Variants in R3HDM1 observed in about 807,000 individuals in gnomAD.
R3HDM1 encodes R3H domain containing 1.
In R3HDM1, 46 loss-of-function variants were observed where a neutral mutation model predicts 141.1. That is an observed-to-expected ratio of 0.33 (90% CI 0.26 to 0.42). The LOEUF is 0.42. Among genes scored for constraint, R3HDM1 ranks in the 10% least tolerant of loss-of-function variants. The pLI is 1.00. For synonymous variants in R3HDM1, 435 were observed against 472.9 expected (o/e 0.92, Z 1.04); for missense variants, 1,184 against 1,368.3 (o/e 0.87, Z 2.12).
chr2:135,558,235 G>A (rs1444715710), intron 1 of R3HDM1, among the ~76,000 whole-genome samples: 1 of 152,172 alleles, frequency 6.6e-6, no homozygotes, highest in African/African-American at 2.4e-5. Flanking sequence ...GTGGCCACTA[G>A]CCATATATGC....
At chr2:135,603,068 G>A (rs1010384618) in intron 2 of R3HDM1, among the ~76,000 whole-genome samples, 16 of 151,990 alleles carry the variant, frequency 1.1e-4, no homozygotes, top group Admixed American at 5.9e-4. Flanking sequence ...TGCAACCTCC[G>A]CCTCCCAGGT....
chr2:135,642,725 T>C (rs2063932698), intron 15 of R3HDM1, among the ~76,000 whole-genome samples: 1 of 152,198 alleles, frequency 6.6e-6, no homozygotes, highest in Non-Finnish European at 1.5e-5. Context: ...ATAAGGTCTC[T>C]AAGTGTTCCT....
chr2:135,681,074 T>C (rs1307054672), intron 21 of R3HDM1, among the ~76,000 whole-genome samples: 1 of 152,200 alleles, frequency 6.6e-6, no homozygotes, highest in African/African-American at 2.4e-5. Flanking sequence ...TGATAGTAGT[T>C]CTACATTAAA....
At chr2:135,616,533 T>C (rs2061035507) in intron 4 of R3HDM1, 135 bp from the exon 5 acceptor site, 3 of 705,946 alleles carry the variant, frequency 4.2e-6, no homozygotes, top group East Asian at 5.5e-5. Flanking sequence ...TTTAATGATA[T>C]ATTTAACTTG....
chr2:135,663,148 AAAAAAAAT>A (rs1329849195), intron 19 of R3HDM1, among the ~76,000 whole-genome samples: 2 of 151,180 alleles, frequency 1.3e-5, no homozygotes, highest in African/African-American at 2.5e-5. Context: ...AAAAAAAAAA[AAAAAAAAT>A]ATGACACTTA....
Position 135,636,182 on chromosome 2 carries a change from A to G in R3HDM1, c.902A>G (p.Asp301Gly). 1 of 1,612,114 alleles carries G rather than the reference A, an allele frequency of 6.2e-7. No homozygotes were observed. The highest frequency in any genetic ancestry group is 8.5e-7 in the Non-Finnish European group (1 of 1,179,110). ...QRARDRIFSQ[D>G]SLCSQENYII... ...GCCAGAGACCGAATATTTTCCCAAG[A>G]TGTACGTACTAACTTACTTAGGTCT... Residue 301 changes from aspartate (D) to glycine (G), a missense_variant and splice_region_variant, in exon 11 of 27, where the codon GAT becomes GGT. Around this residue, in one of 5 missense-constraint regions of R3HDM1, gnomAD observed 240 missense variants for 312.3 expected, o/e 0.77. Coordinates refer to ENST00000683871, the MANE Select transcript of R3HDM1 (RefSeq NM_001378107.1).
chr2:135,696,064 A>G (rs1204917346), intron 21 of R3HDM1, among the ~76,000 whole-genome samples: 1 of 152,232 alleles, frequency 6.6e-6, no homozygotes, highest in Non-Finnish European at 1.5e-5. Flanking sequence ...TTTAAGAAAA[A>G]TGAATACTAG....
chr2:135,625,162 C>T (rs937913115), intron 7 of R3HDM1, among the ~76,000 whole-genome samples: 1 of 152,128 alleles, frequency 6.6e-6, no homozygotes, highest in African/African-American at 2.4e-5. Flanking sequence ...AATAAAATAA[C>T]AGAGGGGCCC....
At chr2:135,661,228 G>C in intron 18 of R3HDM1, 42 bp from the exon 19 acceptor site, 1 of 1,608,554 alleles carries the variant, frequency 6.2e-7, no homozygotes, top group Non-Finnish European at 8.5e-7. Context: ...CATATGTAAT[G>C]CAAGTAAAAT....
intron 1 of R3HDM1, among the ~76,000 whole-genome samples, chr2:135,590,979 G>T (rs1285696707): frequency 6.6e-6 from 1 of 152,054 alleles, no homozygotes; most frequent in African/African-American, 2.4e-5. Flanking sequence ...AAATGTAGTT[G>T]GCAATTCAAG....
intron 1 of R3HDM1, among the ~76,000 whole-genome samples, chr2:135,557,538 A>G (rs1014627103): frequency 6.6e-6 from 1 of 152,190 alleles, no homozygotes; most frequent in Admixed American, 6.5e-5. Context: ...TCTTCTCCAC[A>G]GGTATTCTGT....
chr2:135,556,060 C>T (rs1417686425), intron 1 of R3HDM1, among the ~76,000 whole-genome samples: 1 of 152,046 alleles, frequency 6.6e-6, no homozygotes, highest in Non-Finnish European at 1.5e-5. Context: ...GAAGTGTTGA[C>T]ACATGTTCCA....
intron 19 of R3HDM1, among the ~76,000 whole-genome samples, chr2:135,674,390 T>G (rs72844184): frequency 1.2e-3 from 189 of 152,366 alleles, no homozygotes; most frequent in Non-Finnish European, 1.8e-3. Context: ...CAGTTCATCT[T>G]TGTAAAAACT....
At chr2:135,619,690 C>G (rs921279949) in intron 5 of R3HDM1, 3 of 925,606 alleles carry the variant, frequency 3.2e-6, no homozygotes. Context: ...ATGAAAGGTA[C>G]TAGTATCTAA....
Position 135,724,017 on chromosome 2 carries a change from T to C in R3HDM1, c.3130T>C (p.Phe1044Leu). 6.2e-7 allele frequency: 1 copy of C among 1,614,022 alleles called. No individual in the cohort carries two copies. The highest frequency in any genetic ancestry group is 8.5e-7 in the Non-Finnish European group (1 of 1,180,014). ...MEAEKLFGEL[F>L]KIGAKIRWLR... ...AGCTGAAAAGCTTTTTGGGGAACTC[T>C]TTAAAATTGGCGCCAAGATCCGGTG... is the stretch of plus-strand genomic sequence containing the variant. Residue 1044 changes from phenylalanine (F) to leucine (L), a missense_variant, in exon 27 of 27, where the codon TTT (phenylalanine) becomes CTT (leucine). Phe to Leu is a conservative substitution (Grantham distance 22). Transcript: ENST00000683871.
At chr2:135,671,408 C>T (rs1286849629) in intron 19 of R3HDM1, among the ~76,000 whole-genome samples, 1 of 151,848 alleles carries the variant, frequency 6.6e-6, no homozygotes, top group Admixed American at 6.6e-5. Flanking sequence ...TCGCTCTTGT[C>T]GCCCAGGCTG....
rs567960862 is a variant in R3HDM1 at position 135,636,117 on chromosome 2, A to C, written c.837A>C (p.Arg279Ser). Residue 279 changes from arginine (R) to serine (S), a missense_variant, in exon 11 of 27, where the codon AGA (arginine) becomes AGC (serine). Arg to Ser is a moderately radical substitution (Grantham distance 110, BLOSUM62 -1). Around this residue, in one of 5 missense-constraint regions of R3HDM1, gnomAD observed 240 missense variants for 312.3 expected, o/e 0.77. Coordinates refer to ENST00000683871, the MANE Select transcript of R3HDM1 (RefSeq NM_001378107.1). The stretch of plus-strand genomic sequence containing the variant: ...GAATACGTTTGAAAGATGACAGAAG[A>C]AGCAAATCTATAGAAGAAAGAGAAG... The part of the protein sequence containing the change: ...QMRIRLKDDR[R>S]SKSIEEREEE... 14 of 1,613,028 alleles carry C rather than the reference A, an allele frequency of 8.7e-6. No individual in the cohort carries two copies. Among genetic ancestry groups the C allele is most frequent in the Middle Eastern group, 1.7e-4 (1 of 6,046 alleles).
chr2:135,667,394 T>TAA (rs1355999407), intron 19 of R3HDM1, among the ~76,000 whole-genome samples: 5 of 101,800 alleles, frequency 4.9e-5, no homozygotes, highest in African/African-American at 2.8e-4. Flanking sequence ...TGGTAGTGTT[T>TAA]TAAAAAAAAA....
At position 135,621,567 on chromosome 2, in the gene R3HDM1, A is replaced by T; in HGVS notation, c.377A>T (p.Glu126Val). The stretch of plus-strand genomic sequence containing the variant: ...CCCTCAAAAGATGAAGCAGAAAAAG[A>T]AAAGGCCAGTGATAAGTTGCCCAGA... Reference protein sequence around the residue: ...EKPSKDEAEKEKASDKLPRKM... With the variant: ...EKPSKDEAEKVKASDKLPRKM... Residue 126 changes from glutamate to valine, a missense_variant, in exon 6 of 27, where the codon GAA (glutamate) becomes GTA (valine). Transcript: ENST00000683871. The T allele has an allele frequency of 6.2e-7, 1 of 1,601,958 alleles. No individual in the cohort carries two copies.
Sources: allele counts gnomAD v4.1 joint callset (sites outside exome capture counted in the v4.1 genomes callset), GRCh38; gene constraint gnomAD v4.1.1; regional missense constraint gnomAD v4.1.1; transcripts MANE v1.5; gene names NCBI Gene and HGNC (gene_info 2026-07-23, HGNC 2026-07-21).